The following NWD1 variants were observed in gnomAD, a reference collection of about 807,000 sequenced individuals.
NWD1 encodes NACHT and WD repeat domain containing 1, also known as NACHT domain- and WD repeat-containing protein 1.
Under a neutral mutation model 135.1 loss-of-function variants are expected in NWD1, and 129 were observed. That is an observed-to-expected ratio of 0.96 (90% confidence interval 0.83 to 1.11). The LOEUF is 1.11. Ranked by LOEUF, NWD1 falls within the 50% of genes least tolerant of loss-of-function variation. NWD1 has a pLI of 0.00. For synonymous variants in NWD1, 773 were observed against 786.0 expected, an observed-to-expected ratio of 0.98 and a Z score of 0.28; for missense variants, 1,740 against 1,851.3, an observed-to-expected ratio of 0.94 and a Z score of 1.10.
intron 18 of NWD1, among the ~76,000 whole-genome samples, chr19:16,810,332 G>A (rs2608741): frequency 6.6e-6 from 1 of 151,712 alleles, no homozygotes; most frequent in African/African-American, 2.4e-5. Flanking sequence ...CGGCTACCCG[G>A]GAGGCCGAGG....
Position 16,814,622 on chromosome 19 carries a change from G to A in NWD1, c.4288-406G>A, listed in dbSNP as rs1025009228. ...ATTATACATTGTAGTATAATATGCT[G>A]TAGCAAAGATATATACAACTGGTAT... On this transcript the variant is annotated intron_variant, in intron 18 of 18. Coordinates refer to ENST00000524140, the MANE Select transcript of NWD1 (RefSeq NM_001007525.5). 2.0e-5 allele frequency among the ~76,000 whole-genome samples: 3 copies of A among 152,320 alleles called. No homozygotes were observed. The East Asian group carries it at 5.8e-4, about 29-fold the overall frequency.
intron 18 of NWD1, among the ~76,000 whole-genome samples, chr19:16,809,647 C>T (rs2547103): frequency 0.012 from 1,844 of 151,168 alleles, 32 homozygotes; most frequent in African/African-American, 0.041. Context: ...CTCTGCCTCC[C>T]GGGTTTATGC....
At chr19:16,735,140 A>C (rs1197486305) in intron 3 of NWD1, among the ~76,000 whole-genome samples, 1 of 152,012 alleles carries the variant, frequency 6.6e-6, no homozygotes, top group Non-Finnish European at 1.5e-5. Context: ...GTTCCCATAC[A>C]CCCCACACTC....
At chr19:16,760,103 C>T (rs773454649) in intron 7 of NWD1, among the ~76,000 whole-genome samples, 35 of 151,960 alleles carry the variant, frequency 2.3e-4, no homozygotes, top group Non-Finnish European at 3.4e-4. Context: ...CACACTGAGC[C>T]GTGACTGTAC....
At chr19:16,796,013 C>T (rs554225321) in intron 15 of NWD1, among the ~76,000 whole-genome samples, 43 of 152,248 alleles carry the variant, frequency 2.8e-4, no homozygotes, top group Non-Finnish European at 4.7e-4. Context: ...AGCAACAAAA[C>T]AGCTCTCAGG....
At chr19:16,762,810 AGTCTT>A (rs1254059214) in intron 8 of NWD1, among the ~76,000 whole-genome samples, 1 of 150,046 alleles carries the variant, frequency 6.7e-6, no homozygotes, top group Non-Finnish European at 1.5e-5. Context: ...TTCCTGACAG[AGTCTT>A]GCTCTGTCAC....
chr19:16,804,909 C>T (rs969276437), intron 17 of NWD1, among the ~76,000 whole-genome samples: 3 of 151,912 alleles, frequency 2.0e-5, no homozygotes, highest in Non-Finnish European at 2.9e-5. Context: ...AGTGCAGCCT[C>T]GAACTCCTGG....
At chr19:16,758,871 G>C (rs546084249) in intron 6 of NWD1, among the ~76,000 whole-genome samples, 1 of 151,980 alleles carries the variant, frequency 6.6e-6, no homozygotes, top group Non-Finnish European at 1.5e-5. Context: ...AGCCAGGCGT[G>C]GTGGCGCCTG....
At position 16,805,184 on chromosome 19, in the gene NWD1, G is replaced by A. The variant is rs796592823; in HGVS notation, c.3737-2402G>A. On this transcript the variant is annotated intron_variant, in intron 17 of 18. Coordinates refer to ENST00000524140, the MANE Select transcript of NWD1 (RefSeq NM_001007525.5). The stretch of plus-strand genomic sequence containing the variant: ...AGCAATTCTCCTGCCTCAGCCTCCC[G>A]AGTAGCTGAGATTACAGGTGTGCAG... Among the ~76,000 whole-genome samples, 59 of 151,428 alleles carry A rather than the reference G, an allele frequency of 3.9e-4. 1 individual carries two copies. Among genetic ancestry groups the A allele is most frequent in the African/African-American group, 9.7e-4 (40 of 41,256 alleles).
intron 14 of NWD1, among the ~76,000 whole-genome samples, chr19:16,792,893 A>AG (rs1970295925): frequency 1.3e-5 from 2 of 149,742 alleles, no homozygotes; most frequent in African/African-American, 4.9e-5. Context: ...AAAAAAAAAA[A>AG]AAGAAAGGAA....
chr19:16,764,995 G>T, intron 9 of NWD1, 39 bp from the exon 10 acceptor site: 1 of 1,608,552 alleles, frequency 6.2e-7, no homozygotes, highest in Non-Finnish European at 8.5e-7. Context: ...CTGGAGGGAG[G>T]TAGGCACTTC....
At chr19:16,748,666 A>G (rs1255398578) in intron 5 of NWD1, among the ~76,000 whole-genome samples, 3 of 152,092 alleles carry the variant, frequency 2.0e-5, no homozygotes, top group Admixed American at 6.6e-5. Context: ...TCTACAAAAA[A>G]TACAAAAATT....
At chr19:16,793,427 T>TG (rs1362036939) in intron 14 of NWD1, among the ~76,000 whole-genome samples, 3 of 151,678 alleles carry the variant, frequency 2.0e-5, no homozygotes, top group African/African-American at 7.3e-5. Flanking sequence ...TTTGTAGAGG[T>TG]GGGGGTCTCA....
At chr19:16,779,232 C>A in intron 11 of NWD1, 111 bp from the exon 12 acceptor site, 3 of 1,264,026 alleles carry the variant, frequency 2.4e-6, no homozygotes, top group Non-Finnish European at 2.3e-6. Flanking sequence ...CCAAATCTCT[C>A]TGTGCCTCAG....
At chr19:16,744,759 C>G (rs764702085) in intron 5 of NWD1, 41 bp downstream of exon 5, 1 of 1,488,848 alleles carries the variant, frequency 6.7e-7, no homozygotes, top group South Asian at 1.2e-5. Flanking sequence ...CCACAAGAAA[C>G]TGACCACGTG....
chr19:16,744,954 G>T, intron 5 of NWD1: 2 of 645,270 alleles, frequency 3.1e-6, no homozygotes, highest in Non-Finnish European at 2.8e-6. Flanking sequence ...CTTTCTTCTT[G>T]TCTCCCAGGG....
At position 16,759,641 on chromosome 19, in the gene NWD1, C is replaced by T. The variant is rs542586046; in HGVS notation, c.1973+213C>T. 1.2e-4 allele frequency among the ~76,000 whole-genome samples: 18 copies of T among 152,210 alleles called. No homozygotes were observed. The South Asian group carries it at 3.1e-3, about 26-fold the overall frequency. On this transcript the variant is annotated intron_variant, in intron 7 of 18. Coordinates refer to ENST00000524140, the MANE Select transcript of NWD1 (RefSeq NM_001007525.5). The stretch of plus-strand genomic sequence containing the variant: ...CCTATAATCCCAGCACTTTGTGGGG[C>T]CAGGGCAGGAGGATTGCTGGAGGCC...
Position 16,800,124 on chromosome 19 carries a change from G to A in NWD1, c.3698G>A (p.Gly1233Glu), listed in dbSNP as rs1340895334. 1 of 1,613,536 alleles carries A rather than the reference G, an allele frequency of 6.2e-7. No homozygotes were observed. ...NGSYVYFPKIGDKNKVTIWDL... is the reference protein window; with the variant it reads ...NGSYVYFPKIEDKNKVTIWDL... ...AGCTACGTCTACTTCCCCAAAATTGGGGACAAAAACAAAGTCACTATTTGG... is the reference window on the plus strand; with the variant it reads ...AGCTACGTCTACTTCCCCAAAATTGAGGACAAAAACAAAGTCACTATTTGG... The change falls in exon 17 of 19, where the codon GGG becomes GAG. Residue 1233 changes from glycine to glutamate, a missense_variant. Coordinates refer to ENST00000524140, the MANE Select transcript of NWD1 (RefSeq NM_001007525.5).
At position 16,791,603 on chromosome 19, in the gene NWD1, G is replaced by C. The variant is rs1273213632; in HGVS notation, c.3194G>C (p.Ser1065Thr). The part of the protein sequence containing the change: ...QKQGKLVTGF[S>T]NGSISLVSSK... ...CAAGGAAAGCTTGTTACCGGGTTTA[G>C]CAATGGCTCCATCTCTTTGGTAAGC... The change falls in exon 14 of 19, where the codon AGC becomes ACC. Residue 1065 changes from serine (S) to threonine (T), a missense_variant. Coordinates refer to ENST00000524140, the MANE Select transcript of NWD1 (RefSeq NM_001007525.5). 1 of 1,614,020 alleles carries C rather than the reference G, an allele frequency of 6.2e-7. No homozygotes were observed. The highest frequency in any genetic ancestry group is 1.3e-5 in the African/African-American group (1 of 74,936).
Sources: allele counts gnomAD v4.1 joint callset (sites outside exome capture counted in the v4.1 genomes callset), GRCh38; gene constraint gnomAD v4.1.1; transcripts MANE v1.5; gene names NCBI Gene and HGNC (gene_info 2026-07-23, HGNC 2026-07-21).